Variants in MYO1D observed in about 807,000 individuals in gnomAD.
The protein encoded by MYO1D is myosin ID, also known as unconventional myosin-Id.
A neutral mutation model predicts 122.0 loss-of-function variants in MYO1D; 83 were observed. The observed-to-expected ratio is 0.68, with a 90% CI of 0.57 to 0.82. MYO1D has a LOEUF of 0.82. Ranked by LOEUF, MYO1D falls within the 40% of genes least tolerant of loss-of-function variation. The probability of loss-of-function intolerance (pLI) is 0.00; values close to 1 mark genes in which losing one functional copy is unlikely to be tolerated. For missense variants in MYO1D, 1,157 were observed against 1,269.5 expected (o/e 0.91, Z 1.35); for synonymous variants, 464 against 446.9 (o/e 1.04, Z -0.48).
intron 21 of MYO1D, among the ~76,000 whole-genome samples, chr17:32,539,123 A>G (rs1910754981): frequency 6.6e-6 from 1 of 152,146 alleles, no homozygotes; most frequent in Non-Finnish European, 1.5e-5. Flanking sequence ...AAATAAATAA[A>G]TAAAATAGAT....
intron 1 of MYO1D, among the ~76,000 whole-genome samples, chr17:32,844,750 T>C (rs983838909): frequency 2.6e-5 from 4 of 152,092 alleles, no homozygotes; most frequent in African/African-American, 9.7e-5. Context: ...TAATGTAATA[T>C]AGTTTTATAA....
chr17:32,812,426 A>AAG (rs1427166955), intron 1 of MYO1D, among the ~76,000 whole-genome samples: 2 of 152,242 alleles, frequency 1.3e-5, no homozygotes, highest in Non-Finnish European at 2.9e-5. Flanking sequence ...AAATGAGGAC[A>AAG]AGAGAGGTCT....
chr17:32,597,437 T>C (rs970992039), intron 21 of MYO1D, among the ~76,000 whole-genome samples: 1 of 152,008 alleles, frequency 6.6e-6, no homozygotes, highest in Admixed American at 6.6e-5. Context: ...CATTGTTTAG[T>C]AGGAGAAAAA....
At chr17:32,856,519 A>G (rs1244450857) in intron 1 of MYO1D, among the ~76,000 whole-genome samples, 1 of 151,868 alleles carries the variant, frequency 6.6e-6, no homozygotes, top group African/African-American at 2.4e-5. Flanking sequence ...TTCCACCTCT[A>G]CCTCTCCACT....
intron 21 of MYO1D, among the ~76,000 whole-genome samples, chr17:32,516,606 T>C (rs550088862): frequency 6.6e-6 from 1 of 152,372 alleles, no homozygotes; most frequent in South Asian, 2.1e-4. Context: ...AAGATTTAAA[T>C]GTGAAGTGTC....
At chr17:32,612,857 C>T (rs1026111935) in intron 20 of MYO1D, among the ~76,000 whole-genome samples, 1 of 151,998 alleles carries the variant, frequency 6.6e-6, no homozygotes, top group Non-Finnish European at 1.5e-5. Flanking sequence ...CAGCCTCTAC[C>T]TCCCAGGCTC....
intron 20 of MYO1D, among the ~76,000 whole-genome samples, chr17:32,625,777 T>C (rs1235352897): frequency 6.6e-6 from 1 of 152,180 alleles, no homozygotes; most frequent in Admixed American, 6.5e-5. Flanking sequence ...GTGATCTGCC[T>C]GCTTCAGCTT....
At chr17:32,608,512 C>T (rs978932687) in intron 20 of MYO1D, among the ~76,000 whole-genome samples, 4 of 152,100 alleles carry the variant, frequency 2.6e-5, no homozygotes, top group African/African-American at 9.7e-5. Flanking sequence ...GGTGAGGACA[C>T]AGAACAAGTG....
Position 32,638,809 on chromosome 17 carries a change from G to A in MYO1D, c.2622C>T (p.Asp874=). 1 of 1,613,596 alleles carries A rather than the reference G, an allele frequency of 6.2e-7. No homozygotes were observed. Among genetic ancestry groups the A allele is most frequent in the East Asian group, 2.2e-5 (1 of 44,818 alleles). The change falls in exon 20 of 22, where the codon GAC becomes GAT. Residue 874 remains aspartate (D), a synonymous_variant. Coordinates refer to ENST00000318217, the MANE Select transcript of MYO1D (RefSeq NM_015194.3). The stretch of plus-strand genomic sequence containing the variant: ...GACGGTCAGTGACAAAAATTGCTCT[G>A]TCTTCCACCTTACTAAATCGATTTA... ...RKVNRFSKVE[D]RAIFVTDRHL...
chr17:32,675,509 A>G (rs1597995330), intron 16 of MYO1D, among the ~76,000 whole-genome samples: 1 of 152,180 alleles, frequency 6.6e-6, no homozygotes, highest in Admixed American at 6.5e-5. Context: ...GAGTTATATA[A>G]TAACAATCAA....
chr17:32,809,312 A>T (rs899032959), intron 1 of MYO1D, among the ~76,000 whole-genome samples: 20 of 151,632 alleles, frequency 1.3e-4, no homozygotes, highest in Non-Finnish European at 2.4e-4. Flanking sequence ...TTCTATAGAC[A>T]TGGGGGTCTT....
At chr17:32,523,494 T>C (rs1004366012) in intron 21 of MYO1D, 2 of 152,020 alleles carry the variant, frequency 1.3e-5, no homozygotes, top group African/African-American at 2.4e-5. Flanking sequence ...CGAAAGAGCA[T>C]GATGCAAATG....
chr17:32,677,133 G>T (rs1402294592), intron 16 of MYO1D, among the ~76,000 whole-genome samples: 1 of 152,056 alleles, frequency 6.6e-6, no homozygotes, highest in African/African-American at 2.4e-5. Flanking sequence ...TTTTACGCAG[G>T]AATATCTAGC....
chr17:32,672,836 T>A (rs769175573), intron 16 of MYO1D, among the ~76,000 whole-genome samples: 3 of 152,044 alleles, frequency 2.0e-5, no homozygotes, highest in Non-Finnish European at 2.9e-5. Flanking sequence ...TGATTGTTAA[T>A]AGGAGTAGGT....
chr17:32,552,403 T>TCCATCCATCCACCCAC (rs2087023931), intron 21 of MYO1D, among the ~76,000 whole-genome samples: 2 of 114,392 alleles, frequency 1.7e-5, no homozygotes, highest in South Asian at 2.8e-4. Flanking sequence ...ACCTTTGTAA[T>TCCATCCATCCACCCAC]CCATCCATCC....
chr17:32,804,626 T>C (rs2090493436), intron 1 of MYO1D, among the ~76,000 whole-genome samples: 1 of 152,150 alleles, frequency 6.6e-6, no homozygotes, highest in African/African-American at 2.4e-5. Flanking sequence ...CTATTACCCT[T>C]TTAAGCAATT....
chr17:32,816,782 T>C (rs142913856), intron 1 of MYO1D, among the ~76,000 whole-genome samples: 1 of 152,242 alleles, frequency 6.6e-6, no homozygotes, highest in Non-Finnish European at 1.5e-5. Flanking sequence ...GGATGTAGCA[T>C]AAGTATGAGT....
chr17:32,808,929 TTTG>T (rs1190162697), intron 1 of MYO1D, among the ~76,000 whole-genome samples: 4 of 152,172 alleles, frequency 2.6e-5, no homozygotes, highest in Non-Finnish European at 4.4e-5. Flanking sequence ...ATTGAGAAAT[TTTG>T]TATGCAAATT....
intron 1 of MYO1D, among the ~76,000 whole-genome samples, chr17:32,807,094 T>C (rs1389444614): frequency 6.6e-6 from 1 of 152,252 alleles, no homozygotes; most frequent in Non-Finnish European, 1.5e-5. Context: ...AACTTGAATT[T>C]ATTTTCATGG....
Sources: gnomAD v4.1 joint callset for allele counts (sites outside exome capture counted in the v4.1 genomes callset) on GRCh38, gnomAD v4.1.1 for gene constraint, MANE v1.5 for transcripts, NCBI Gene and HGNC (gene_info 2026-07-23, HGNC 2026-07-21) for gene names.